TLCD3B: variants seen among roughly 807,000 people sequenced by gnomAD.
TLCD3B encodes the protein ceramide synthase.
In TLCD3B, 9 loss-of-function variants were observed where a neutral mutation model predicts 23.0. The observed-to-expected ratio is 0.39, with a 90% CI of 0.24 to 0.68. The LOEUF (loss-of-function observed/expected upper bound fraction) is 0.68. TLCD3B is among the 30% of genes least tolerant of loss of function. The pLI is 0.44. For synonymous variants in TLCD3B, 161 were observed against 161.0 expected (o/e 1.00, Z 0.00); for missense variants, 307 against 371.8 (o/e 0.83, Z 1.43).
At chr16:30,038,894 A>G (rs2071524877) in intron 3 of TLCD3B, among the ~76,000 whole-genome samples, 1 of 152,168 alleles carries the variant, frequency 6.6e-6, no homozygotes, top group Non-Finnish European at 1.5e-5. Flanking sequence ...TCCAAGGTTA[A>G]ACAGTCAGGA....
rs1361644830 is a variant in TLCD3B, at chr16:30,031,262, A to G, written c.-735T>C. The stretch of plus-strand genomic sequence containing the variant: ...ACCGGACCTGCAGCGGCGTCTCCCC[A>G]TGCAGCTCTGAGCCACAGCCGCGGC... On this transcript the variant is annotated 5_prime_UTR_variant, in exon 1 of 5. The change abolishes an upstream ATG in the 5' untranslated region. Transcript: ENST00000380495. 6.6e-6 allele frequency: 1 copy of G among 151,784 alleles called. No individual in the cohort carries two copies. The highest frequency in any genetic ancestry group is 2.4e-5 in the African/African-American group (1 of 41,098). 9.4% of individuals were successfully genotyped at this position (151,784 alleles called of 1,614,324 possible).
chr16:30,047,891 C>CA (rs1395779153), intron 1 of TLCD3B, among the ~76,000 whole-genome samples: 4 of 151,040 alleles, frequency 2.6e-5, no homozygotes, highest in African/African-American at 9.7e-5. Flanking sequence ...CCTGTAATCC[C>CA]AGCCCTTTGG....
At chr16:30,036,451 A>C (rs561372746) in intron 3 of TLCD3B, 1 of 1,238,826 alleles carries the variant, frequency 8.1e-7, no homozygotes, top group East Asian at 5.6e-5. Flanking sequence ...GGCAGGATGA[A>C]GGGAACCAGG....
At chr16:30,035,601 G>A (rs977540084), upstream of TLCD3B, 7 of 1,015,592 alleles carry the variant, frequency 6.9e-6, no homozygotes, top group African/African-American at 6.7e-5. Context: ...ATCCATCTGT[G>A]GCCATTGAAA....
intron 3 of TLCD3B, 93 bp downstream of exon 3, chr16:30,026,516 C>T (rs529445120): frequency 5.1e-5 from 57 of 1,112,878 alleles, no homozygotes; most frequent in Admixed American, 2.9e-4. Flanking sequence ...GTTGTCAGTA[C>T]GCAGACCCGG....
At chr16:30,035,965 G>A, upstream of TLCD3B, among the ~76,000 whole-genome samples, 1 of 152,026 alleles carries the variant, frequency 6.6e-6, no homozygotes, top group Non-Finnish European at 1.5e-5. Context: ...ACTTTACTGT[G>A]TTGGCCAGGA....
upstream of TLCD3B, chr16:30,035,142 C>T (rs1185050217): frequency 2.6e-6 from 1 of 390,798 alleles, no homozygotes; most frequent in African/African-American, 2.1e-5. Context: ...GAACTACTGA[C>T]CTCAGGTGAT....
chr16:30,025,565 C>A lies in TLCD3B; in HGVS notation c.541-98G>T. On this transcript the variant is annotated intron_variant, in intron 4 of 4. Coordinates refer to ENST00000380495, the MANE Select transcript of TLCD3B (RefSeq NM_031478.6). The surrounding 1 kb of genome is among the most constrained non-coding windows in gnomAD (Gnocchi z 4.1). Reference sequence around the variant, plus strand: ...TGCGACCCTAGCAGGCAGCTCCTCCCAAACCAGACACTTTGCCAGGACACA... The same window carrying A: ...TGCGACCCTAGCAGGCAGCTCCTCCAAAACCAGACACTTTGCCAGGACACA... 16 of 1,542,514 alleles carry A rather than the reference C, an allele frequency of 1.0e-5. No homozygotes were observed. The highest frequency in any genetic ancestry group is 1.4e-5 in the Non-Finnish European group (16 of 1,120,102).
In TLCD3B at chr16:30,025,077, G is replaced by A. The variant is rs1279413221; in HGVS notation, c.*106C>T. The A allele has an allele frequency of 1.3e-6, 1 of 742,600 alleles. No homozygotes were observed. The highest frequency in any genetic ancestry group is 2.1e-6 in the Non-Finnish European group (1 of 475,974). The allele number at this position is 742,600 out of a possible 1,614,324, so 46.0% of individuals were successfully genotyped here. On this transcript the variant is annotated 3_prime_UTR_variant, in exon 5 of 5. Transcript: ENST00000380495. This position sits in a 1 kb window ranked among gnomAD's most constrained non-coding sequence, Gnocchi z 4.1. ...CTTTCGGGGTCATCGTCAGTCCTGG[G>A]GTTGTCCGGGCAAGAGGACCCTGGC...
intron 3 of TLCD3B, among the ~76,000 whole-genome samples, chr16:30,039,101 C>CTAATTTTTTTTT (rs10623783): frequency 8.3e-6 from 1 of 120,854 alleles, no homozygotes; most frequent in Admixed American, 9.0e-5. Flanking sequence ...CCTCCTTCCT[C>CTAATTTTTTTTT]TCTTTTTTTT....
chr16:30,031,929 C>A (rs994932845), upstream of TLCD3B, among the ~76,000 whole-genome samples: 1 of 152,146 alleles, frequency 6.6e-6, no homozygotes, highest in Non-Finnish European at 1.5e-5. Flanking sequence ...GGCGAGAGCG[C>A]GGGGCAGCTG....
At chr16:30,047,167 G>GTCTA (rs571469371) in intron 1 of TLCD3B, among the ~76,000 whole-genome samples, 1,487 of 148,072 alleles carry the variant, frequency 0.01, 9 homozygotes, top group Middle Eastern at 0.014. Context: ...CTGTCTGTCT[G>GTCTA]TCTATCTATC....
intron 2 of TLCD3B, among the ~76,000 whole-genome samples, chr16:30,044,144 G>A (rs1166585345): frequency 6.8e-6 from 1 of 146,626 alleles, no homozygotes; most frequent in Non-Finnish European, 1.5e-5. Context: ...TTACAAGTGT[G>A]TGCCATCACA....
chr16:30,030,321 G>C, intron 1 of TLCD3B, 82 bp downstream of exon 1: 1 of 1,377,600 alleles, frequency 7.3e-7, no homozygotes, highest in East Asian at 2.3e-5. Context: ...ACCGCTGAGG[G>C]TCCAGAGAAG....
chr16:30,052,376 A>G (rs954005031), intron 1 of TLCD3B, among the ~76,000 whole-genome samples: 7 of 151,924 alleles, frequency 4.6e-5, no homozygotes, highest in African/African-American at 1.7e-4. Flanking sequence ...CCAAAAAATA[A>G]ATAAATCAAT....
Position 30,029,449 on chromosome 16 carries a change from C to T in TLCD3B, c.192G>A (p.Lys64=). The T allele has an allele frequency of 6.2e-7, 1 of 1,613,966 alleles. No homozygotes were observed. Among genetic ancestry groups the T allele is most frequent in the Non-Finnish European group, 8.5e-7 (1 of 1,179,928 alleles). The part of the protein sequence containing the change: ...TAGYIVSTSC[K]HIIDDQHWLS... Reference sequence around the variant, plus strand: ...GCACTTACTGGTCATCAATGATGTGCTTGCAGGAGGTGGAGACGATGTAGC... The same window carrying T: ...GCACTTACTGGTCATCAATGATGTGTTTGCAGGAGGTGGAGACGATGTAGC... Residue 64 remains lysine, a synonymous_variant, in exon 2 of 5, where the codon AAG becomes AAA. Transcript: ENST00000380495. The surrounding 1 kb of genome is among the most constrained non-coding windows in gnomAD (Gnocchi z 4.6).
At position 30,025,368 on chromosome 16, in the gene TLCD3B, C is replaced by T. The variant is rs1013688698; in HGVS notation, c.640G>A (p.Ala214Thr). 1.2e-6 allele frequency: 2 copies of T among 1,605,390 alleles called. No individual in the cohort carries two copies. The highest frequency in any genetic ancestry group is 1.7e-6 in the Non-Finnish European group (2 of 1,176,088). ...GGCAGGCCGGCATGGCGCCCGTAGG[C>T]CCAGTACAGGTAGGGAAAGAGCAGC... is the stretch of plus-strand genomic sequence containing the variant. Reference protein sequence around the residue: ...RVLLFPYLYWAYGRHAGLPLL... With the variant: ...RVLLFPYLYWTYGRHAGLPLL... Residue 214 changes from alanine to threonine, a missense_variant, in exon 5 of 5, where the codon GCC (alanine) becomes ACC (threonine). Transcript: ENST00000380495. This position sits in a 1 kb window ranked among gnomAD's most constrained non-coding sequence, Gnocchi z 4.1.
intron 1 of TLCD3B, among the ~76,000 whole-genome samples, chr16:30,052,503 C>G (rs1053222618): frequency 6.6e-6 from 1 of 151,790 alleles, no homozygotes; most frequent in Admixed American, 6.6e-5. Flanking sequence ...TCGAGACCAG[C>G]CTGGTCAACA....
intron 3 of TLCD3B, among the ~76,000 whole-genome samples, chr16:30,037,765 G>C (rs751640232): frequency 1.3e-5 from 2 of 152,010 alleles, no homozygotes; most frequent in Non-Finnish European, 2.9e-5. Context: ...AGTAATTATT[G>C]ATTTAAAAGG....
Sources: gnomAD v4.1 joint callset for allele counts (sites outside exome capture counted in the v4.1 genomes callset) on GRCh38, gnomAD v4.1.1 for gene constraint, Gnocchi (gnomAD v3.1) non-coding constraint, MANE v1.5 for transcripts, NCBI Gene and HGNC (gene_info 2026-07-23, HGNC 2026-07-21) for gene names.